BCLAF3: variants seen among roughly 807,000 people sequenced by gnomAD.
The protein encoded by BCLAF3 is BCLAF1 and THRAP3 family member 3.
In BCLAF3, 24 loss-of-function variants were observed where a neutral mutation model predicts 51.2. The ratio of observed to expected loss-of-function variants is 0.47; its 90% confidence interval spans 0.34 to 0.66. The LOEUF (loss-of-function observed/expected upper bound fraction) is 0.66, where lower values mean the gene tolerates loss of function less well. BCLAF3 is among the 30% of genes least tolerant of loss of function. The pLI, the probability that BCLAF3 is intolerant of heterozygous loss-of-function variation, is 0.01. For synonymous variants in BCLAF3, 152 were observed against 176.6 expected (o/e 0.86, Z 1.10); for missense variants, 465 against 525.1 (o/e 0.89, Z 1.12).
chrX:19,952,310 A>T, intron 7 of BCLAF3, among the ~76,000 whole-genome samples: 1 of 111,552 alleles, frequency 9.0e-6, no homozygotes, highest in East Asian at 2.8e-4. Context: ...ATGTATTAAA[A>T]TATCTCCTCT....
rs1047659354 is a variant in BCLAF3, at chrX:19,916,475, T to C, written c.*830A>G. The C allele has an allele frequency of 8.9e-6, 1 of 112,578 alleles. No individual in the cohort carries two copies. The highest frequency in any genetic ancestry group is 3.2e-5 in the African/African-American group (1 of 30,988). The allele number at this position is 112,578 out of a possible 1,213,427, so 9.3% of individuals were successfully genotyped here. A position where few individuals can be genotyped will look rare whatever the true frequency, so the allele number is the denominator to read the frequency against. ...AACTAAAAGTAAACACTCTATAAGA[T>C]GTGCTTGCAAAATGTGTAATGCTGT... On this transcript the variant is annotated 3_prime_UTR_variant, in exon 12 of 12. Transcript: ENST00000379682.
chrX:19,981,876 G>C (rs1437898941), intron 1 of BCLAF3, among the ~76,000 whole-genome samples: 1 of 106,853 alleles, frequency 9.4e-6, no homozygotes, highest in Non-Finnish European at 1.9e-5. Flanking sequence ...GAAGGGGTGG[G>C]GGGATGAGAA....
At chrX:19,951,319 C>T (rs897505217) in intron 7 of BCLAF3, among the ~76,000 whole-genome samples, 8 of 110,995 alleles carry the variant, frequency 7.2e-5, no homozygotes, top group South Asian at 7.4e-4. Context: ...TTAATTAGGC[C>T]GGGCGCAGTG....
chrX:19,916,724 A>C lies in BCLAF3; in HGVS notation c.*581T>G, dbSNP rs1249865791. ...ATTACTAAAAATTCAGTGCACTCAC[A>C]ACTACCTGATGGAATATTTGAAGCA... On this transcript the variant is annotated 3_prime_UTR_variant, in exon 12 of 12. Transcript: ENST00000379682. 3 of 112,534 alleles carry C rather than the reference A, an allele frequency of 2.7e-5. No homozygotes were observed. Among genetic ancestry groups the C allele is most frequent in the African/African-American group, 9.7e-5 (3 of 30,941 alleles). The allele number at this position is 112,534 out of a possible 1,213,427, so 9.3% of individuals were successfully genotyped here.
chrX:19,955,240 T>C, intron 5 of BCLAF3, 151 bp downstream of exon 5: 1 of 386,215 alleles, frequency 2.6e-6, no homozygotes, highest in South Asian at 9.7e-5. Flanking sequence ...AATGAATGCC[T>C]GATACTCTCT....
intron 10 of BCLAF3, among the ~76,000 whole-genome samples, chrX:19,935,199 T>A (rs896228992): frequency 2.7e-4 from 29 of 108,209 alleles, no homozygotes; most frequent in African/African-American, 3.7e-4. Flanking sequence ...AAAAAAAAAA[T>A]GAAATATAAT....
At chrX:19,990,247 G>C (rs1455709298) in intron 1 of BCLAF3, among the ~76,000 whole-genome samples, 1 of 111,471 alleles carries the variant, frequency 9.0e-6, no homozygotes, top group Non-Finnish European at 1.9e-5. Context: ...TCTTTCCCTC[G>C]AGACCTACCA....
At chrX:19,927,185 C>T (rs1411006469) in intron 11 of BCLAF3, among the ~76,000 whole-genome samples, 1 of 110,597 alleles carries the variant, frequency 9.0e-6, no homozygotes, top group African/African-American at 3.3e-5. Flanking sequence ...CGAGATGGTG[C>T]CATTGTACTC....
chrX:19,930,661 CA>C, intron 10 of BCLAF3: 11 of 170,108 alleles, frequency 6.5e-5, no homozygotes, highest in Admixed American at 1.4e-4. Flanking sequence ...GACCCTGTCT[CA>C]AAAAAACAAA....
rs192006222 is a variant in BCLAF3, at chrX:19,915,406, T to C, written c.*1899A>G. 4.5e-5 allele frequency: 5 copies of C among 112,322 alleles called. No homozygotes were observed. The highest frequency in any genetic ancestry group is 3.8e-4 in the Admixed American group (4 of 10,504). 9.3% of individuals were successfully genotyped at this position (112,322 alleles called of 1,213,427 possible). A position where few individuals can be genotyped will look rare whatever the true frequency, so the allele number is the denominator to read the frequency against. ...TAAATTATAAAGTTGGTTTTTCCTT[T>C]TAGGCTTTAGATCTTATACACACAA... On this transcript the variant is annotated 3_prime_UTR_variant, in exon 12 of 12. Transcript: ENST00000379682.
At chrX:19,945,501 C>T (rs1188797681) in intron 8 of BCLAF3, among the ~76,000 whole-genome samples, 2 of 98,474 alleles carry the variant, frequency 2.0e-5, no homozygotes, top group Non-Finnish European at 4.0e-5. Context: ...CAGACAGCAC[C>T]CTCAGCTGCA....
chrX:19,938,325 A>G (rs1164415216), intron 8 of BCLAF3, among the ~76,000 whole-genome samples: 1 of 110,935 alleles, frequency 9.0e-6, no homozygotes, highest in Non-Finnish European at 1.9e-5. Flanking sequence ...GTGACCCCCC[A>G]AAGCCCTTTC....
intron 1 of BCLAF3, among the ~76,000 whole-genome samples, chrX:19,982,454 G>C (rs1432252464): frequency 9.1e-6 from 1 of 110,340 alleles, no homozygotes; most frequent in Non-Finnish European, 1.9e-5. Flanking sequence ...GCTGTTATCT[G>C]TTATTGCCAG....
chrX:19,990,085 G>A (rs1443467461), intron 1 of BCLAF3, among the ~76,000 whole-genome samples: 1 of 107,212 alleles, frequency 9.3e-6, no homozygotes, highest in Non-Finnish European at 1.9e-5. Flanking sequence ...AGGCTGCCTG[G>A]CGAGGAGCCT....
chrX:19,950,183 C>T (rs1433379424), intron 8 of BCLAF3, among the ~76,000 whole-genome samples: 1 of 111,912 alleles, frequency 8.9e-6, no homozygotes, highest in African/African-American at 3.2e-5. Context: ...CAAGATCGGT[C>T]AGCTTGTAAA....
Position 19,912,947 on chromosome X carries a change from C to A in BCLAF3, c.*4358G>T, listed in dbSNP as rs1301498838. On this transcript the variant is annotated 3_prime_UTR_variant, in exon 12 of 12. Coordinates refer to ENST00000379682, the MANE Select transcript of BCLAF3 (RefSeq NM_001367774.2). ...CAGAAGAGTACAGTCACTCATAATC[C>A]CACCATTTAAAAAAATCAACAGTGT... 9.0e-6 allele frequency: 1 copy of A among 111,558 alleles called. No individual in the cohort carries two copies. Among genetic ancestry groups the A allele is most frequent in the Non-Finnish European group, 1.9e-5 (1 of 53,037 alleles). 9.2% of individuals were successfully genotyped at this position (111,558 alleles called of 1,213,427 possible). A position where few individuals can be genotyped will look rare whatever the true frequency, so the allele number is the denominator to read the frequency against.
At chrX:19,917,391 C>G (rs1182527930) in intron 11 of BCLAF3, 57 bp from the exon 12 acceptor site, 1 of 1,030,627 alleles carries the variant, frequency 9.7e-7, no homozygotes, top group African/African-American at 1.9e-5. Flanking sequence ...AACATCTGAG[C>G]TAGTTTTGTT....
At chrX:19,961,773 A>G (rs993736950) in intron 4 of BCLAF3, among the ~76,000 whole-genome samples, 6 of 112,389 alleles carry the variant, frequency 5.3e-5, no homozygotes, top group Non-Finnish European at 7.5e-5. Context: ...GCAAAGATGC[A>G]TATATTTGCT....
intron 4 of BCLAF3, among the ~76,000 whole-genome samples, chrX:19,956,487 A>G (rs2071669693): frequency 8.9e-6 from 1 of 111,996 alleles, no homozygotes; most frequent in Non-Finnish European, 1.9e-5. Flanking sequence ...ATTCAAATGA[A>G]CATGTCTTCC....
Sources: allele counts gnomAD v4.1 joint callset (sites outside exome capture counted in the v4.1 genomes callset), GRCh38; gene constraint gnomAD v4.1.1; transcripts MANE v1.5; gene names NCBI Gene and HGNC (gene_info 2026-07-23, HGNC 2026-07-21).